Variants in CHL1 observed in about 807,000 individuals in gnomAD.
CHL1 encodes neural cell adhesion molecule L1-like protein.
Under a neutral mutation model 141.9 loss-of-function variants are expected in CHL1, and 96 were observed. The observed-to-expected ratio is 0.68, with a 90% CI of 0.57 to 0.80. The LOEUF is 0.80. Ranked by LOEUF, CHL1 falls within the 30% of genes least tolerant of loss-of-function variation. The probability of loss-of-function intolerance (pLI) is 0.00; values close to 1 mark genes in which losing one functional copy is unlikely to be tolerated. For synonymous variants in CHL1, 613 were observed against 502.2 expected, an observed-to-expected ratio of 1.22 and a Z score of -2.95; for missense variants, 1,820 against 1,457.2, an observed-to-expected ratio of 1.25 and a Z score of -4.05.
intron 5 of CHL1, among the ~76,000 whole-genome samples, chr3:329,430 G>T (rs1292744997): frequency 6.6e-6 from 1 of 151,948 alleles, no homozygotes; most frequent in African/African-American, 2.4e-5. Flanking sequence ...TTGTCCTAAA[G>T]TCCTTATATA....
intron 14 of CHL1, among the ~76,000 whole-genome samples, chr3:364,288 T>C (rs3852043): frequency 0.87 from 132,226 of 152,208 alleles, 60,451 homozygotes; most frequent in East Asian, 1. Flanking sequence ...ACTCAAATAC[T>C]CTCCCACAAT....
chr3:203,884 A>G (rs190250666), intron 1 of CHL1, among the ~76,000 whole-genome samples: 1 of 152,344 alleles, frequency 6.6e-6, no homozygotes, highest in East Asian at 1.9e-4. Flanking sequence ...GAATCTGGGA[A>G]GTACGTGAGG....
chr3:228,617 A>G (rs1182120378), intron 1 of CHL1, among the ~76,000 whole-genome samples: 2 of 152,200 alleles, frequency 1.3e-5, no homozygotes, highest in Non-Finnish European at 2.9e-5. Context: ...TCATGAGACC[A>G]CACATCTTCA....
intron 13 of CHL1, among the ~76,000 whole-genome samples, chr3:362,713 T>A (rs1704401284): frequency 6.6e-6 from 1 of 151,938 alleles, no homozygotes; most frequent in African/African-American, 2.4e-5. Context: ...AATGGCTGAA[T>A]GTTGGAGGAA....
intron 27 of CHL1, among the ~76,000 whole-genome samples, chr3:403,948 G>T (rs1317626886): frequency 6.6e-6 from 1 of 151,926 alleles, no homozygotes; most frequent in Non-Finnish European, 1.5e-5. Flanking sequence ...TGTTTTTCTT[G>T]ATTTGTTCTT....
At chr3:373,693 G>C (rs1047310383) in intron 15 of CHL1, 1 of 152,474 alleles carries the variant, frequency 6.6e-6, no homozygotes, top group South Asian at 2.1e-4. Context: ...CTGAAAGGCT[G>C]TTGAGAATCT....
intron 1 of CHL1, among the ~76,000 whole-genome samples, chr3:198,782 G>C (rs931430431): frequency 2.6e-5 from 4 of 152,038 alleles, no homozygotes; most frequent in Non-Finnish European, 4.4e-5. Context: ...AAAATTCTGC[G>C]TTTTCTAATT....
At chr3:315,708 A>G (rs1700106434) in intron 2 of CHL1, among the ~76,000 whole-genome samples, 2 of 152,150 alleles carry the variant, frequency 1.3e-5, no homozygotes, top group South Asian at 4.1e-4. Flanking sequence ...TTCTTATCCC[A>G]CTAGTCGTAC....
chr3:339,599 C>A (rs1702205367), intron 5 of CHL1, among the ~76,000 whole-genome samples: 1 of 152,140 alleles, frequency 6.6e-6, no homozygotes, highest in Admixed American at 6.5e-5. Context: ...CCACACCGCC[C>A]CCTGCAATGT....
At chr3:296,726 G>A (rs1038221499) in intron 2 of CHL1, among the ~76,000 whole-genome samples, 15 of 152,282 alleles carry the variant, frequency 9.9e-5, no homozygotes, top group African/African-American at 3.1e-4. Context: ...GAAAGAAGTG[G>A]AAGGCAGACA....
At chr3:399,174 T>C in intron 26 of CHL1, 26 bp downstream of exon 26, 2 of 1,581,070 alleles carry the variant, frequency 1.3e-6, no homozygotes, top group Non-Finnish European at 1.7e-6. Context: ...AATGTGATTT[T>C]CAACTTATTA....
chr3:271,658 C>G (rs117876318), intron 2 of CHL1, among the ~76,000 whole-genome samples: 2 of 152,148 alleles, frequency 1.3e-5, no homozygotes, highest in East Asian at 1.9e-4. Flanking sequence ...AAAGCCAGCG[C>G]GCAGAGCAGA....
Position 389,290 on chromosome 3 carries a change from G to C in CHL1, c.2286G>C (p.Glu762Asp). The C allele has an allele frequency of 1.2e-6, 2 of 1,613,622 alleles. No homozygotes were observed. The highest frequency in any genetic ancestry group is 1.7e-6 in the Non-Finnish European group (2 of 1,179,784). ...TGGAGCAGAATGGACCAGGCCTAGA[G>C]TACAGAGTGACCTGGAAGCCACAGG... ...KSMEQNGPGLEYRVTWKPQGA... is the reference protein window; with the variant it reads ...KSMEQNGPGLDYRVTWKPQGA... Residue 762 changes from glutamate (E) to aspartate (D), a missense_variant, in exon 20 of 28, where the codon GAG (glutamate) becomes GAC (aspartate). By Grantham distance (45) the Glu-to-Asp change is conservative (BLOSUM62 2). Coordinates refer to ENST00000256509, the MANE Select transcript of CHL1 (RefSeq NM_006614.4).
At chr3:293,658 C>G (rs1697915311) in intron 2 of CHL1, among the ~76,000 whole-genome samples, 1 of 152,098 alleles carries the variant, frequency 6.6e-6, no homozygotes, top group Admixed American at 6.6e-5. Flanking sequence ...AAGATACTAC[C>G]CAGTTTCCTG....
intron 5 of CHL1, among the ~76,000 whole-genome samples, chr3:335,507 C>T (rs554573813): frequency 1.3e-5 from 2 of 152,260 alleles, no homozygotes; most frequent in Admixed American, 1.3e-4. Context: ...TATGTGCACT[C>T]AGTAGCATGC....
chr3:289,414 G>C (rs1697459777), intron 2 of CHL1, among the ~76,000 whole-genome samples: 1 of 149,204 alleles, frequency 6.7e-6, no homozygotes, highest in South Asian at 2.1e-4. Context: ...AGTAATTGTG[G>C]TTTTTGCCAT....
chr3:326,943 A>G (rs1701065645), intron 4 of CHL1, among the ~76,000 whole-genome samples: 1 of 151,930 alleles, frequency 6.6e-6, no homozygotes. Flanking sequence ...TGTTTAACCA[A>G]ATGGAATATA....
At chr3:366,532 T>G (rs996175730) in intron 15 of CHL1, among the ~76,000 whole-genome samples, 3 of 151,952 alleles carry the variant, frequency 2.0e-5, no homozygotes, top group Non-Finnish European at 4.4e-5. Flanking sequence ...CTGAGTAATA[T>G]TTCTGTCTTC....
rs755229379 is a variant in CHL1, at chr3:398,286, G to A, written c.3154G>A (p.Val1052Ile). The change falls in exon 25 of 28, where the codon GTA (valine) becomes ATA (isoleucine). Residue 1052 changes from valine (V) to isoleucine (I), a missense_variant. Coordinates refer to ENST00000256509, the MANE Select transcript of CHL1 (RefSeq NM_006614.4). ...TACTCAAAAGACTCACCCAATAGAG[G>A]TATTTGAGCCGGGAGCTGAACATAT... ...NLTQKTHPIE[V>I]FEPGAEHIVR... The A allele has an allele frequency of 1.1e-5, 17 of 1,607,358 alleles. 1 individual carries two copies. The Admixed American group carries it at 2.3e-4, about 22-fold the overall frequency.
Sources: allele counts gnomAD v4.1 joint callset (sites outside exome capture counted in the v4.1 genomes callset), GRCh38; gene constraint gnomAD v4.1.1; transcripts MANE v1.5; gene names NCBI Gene and HGNC (gene_info 2026-07-23, HGNC 2026-07-21).